GRIK4: variants seen among roughly 807,000 people sequenced by gnomAD.
GRIK4 encodes glutamate ionotropic receptor kainate type subunit 4.
Under a neutral mutation model 104.9 loss-of-function variants are expected in GRIK4, and 40 were observed. The ratio of observed to expected loss-of-function variants is 0.38; its 90% CI spans 0.30 to 0.50. The LOEUF is 0.50. Among genes scored for constraint, GRIK4 ranks in the 20% least tolerant of loss-of-function variants. The pLI is 0.93. For synonymous variants in GRIK4, 485 were observed against 524.9 expected, an observed-to-expected ratio of 0.92 and a Z score of 1.04; for missense variants, 1,047 against 1,308.1, an observed-to-expected ratio of 0.80 and a Z score of 3.08.
intron 13 of GRIK4, among the ~76,000 whole-genome samples, chr11:120,919,518 T>G (rs1297828186): frequency 2.0e-5 from 3 of 152,170 alleles, no homozygotes; most frequent in African/African-American, 2.4e-5. Context: ...TAGACCTACT[T>G]AACCTGAAAC....
intron 1 of GRIK4, among the ~76,000 whole-genome samples, chr11:120,570,854 T>C (rs1362311622): frequency 2.0e-5 from 3 of 152,210 alleles, no homozygotes; most frequent in Non-Finnish European, 4.4e-5. Flanking sequence ...AAATGAATAG[T>C]CAGAATTTAC....
chr11:120,855,505 A>G (rs951962618), intron 8 of GRIK4, among the ~76,000 whole-genome samples: 4 of 151,872 alleles, frequency 2.6e-5, no homozygotes, highest in African/African-American at 9.7e-5. Context: ...TGGAACTTCA[A>G]CTAAAGGCTT....
chr11:120,944,924 G>A (rs1017147745), intron 14 of GRIK4, among the ~76,000 whole-genome samples: 3 of 151,810 alleles, frequency 2.0e-5, no homozygotes, highest in African/African-American at 4.8e-5. Context: ...ACACAATAAA[G>A]TGTTAGCTAT....
At chr11:120,715,217 A>G (rs1220703273) in intron 3 of GRIK4, among the ~76,000 whole-genome samples, 1 of 152,194 alleles carries the variant, frequency 6.6e-6, no homozygotes, top group East Asian at 1.9e-4. Flanking sequence ...ATTGAAGCCA[A>G]GGATATGTGT....
Position 120,558,696 on chromosome 11 carries a change from C to T in GRIK4, c.-159+46809C>T, listed in dbSNP as rs375020696. Among the ~76,000 whole-genome samples, 38 of 152,326 alleles carry T rather than the reference C, an allele frequency of 2.5e-4. No individual in the cohort carries two copies. In the South Asian group the frequency reaches 7.5e-3, roughly 30 times the overall value. ...ACAAGAGACAGGCATTTATACACAA[C>T]ATAAATGATGGAAAATTAACAAAGT... On this transcript the variant is annotated intron_variant, in intron 1 of 20. Coordinates refer to ENST00000527524, the MANE Select transcript of GRIK4 (RefSeq NM_014619.5).
In GRIK4 at chr11:120,819,989, C is replaced by A. The variant is rs1199235317; in HGVS notation, c.511+69C>A. ...GTTGATTTTGCCCTGATTCCCTGTGCCCCTGGCTGGAGACCCTCCAGGAAG... is the reference window on the plus strand; with the variant it reads ...GTTGATTTTGCCCTGATTCCCTGTGACCCTGGCTGGAGACCCTCCAGGAAG... On this transcript the variant is annotated intron_variant, in intron 6 of 20. Coordinates refer to ENST00000527524, the MANE Select transcript of GRIK4 (RefSeq NM_014619.5). The surrounding 1 kb of genome is among the most constrained non-coding windows in gnomAD (Gnocchi z 4.3). The A allele has an allele frequency of 1.3e-5, 20 of 1,494,462 alleles. No homozygotes were observed. The highest frequency in any genetic ancestry group is 1.7e-5 in the Admixed American group (1 of 58,604). 92.6% of individuals were successfully genotyped at this position (1,494,462 alleles called of 1,614,324 possible).
intron 8 of GRIK4, among the ~76,000 whole-genome samples, chr11:120,851,994 T>C (rs966969262): frequency 6.6e-6 from 1 of 152,120 alleles, no homozygotes; most frequent in Admixed American, 6.5e-5. Context: ...AACTGATGTA[T>C]AGACAGGAGG....
At chr11:120,707,958 G>A (rs77764436) in intron 3 of GRIK4, among the ~76,000 whole-genome samples, 4,109 of 152,236 alleles carry the variant, frequency 0.027, 182 homozygotes, top group African/African-American at 0.09. Flanking sequence ...CTGACCTAAC[G>A]GAAGTCATAT....
chr11:120,808,801 G>A (rs965679486), intron 4 of GRIK4, among the ~76,000 whole-genome samples: 9 of 152,200 alleles, frequency 5.9e-5, no homozygotes, highest in Non-Finnish European at 1.3e-4. Context: ...CTCAGAGGGA[G>A]ACTGCACCCT....
intron 3 of GRIK4, among the ~76,000 whole-genome samples, chr11:120,758,382 C>CT (rs1413892601): frequency 6.6e-6 from 1 of 152,046 alleles, no homozygotes; most frequent in East Asian, 1.9e-4. Context: ...ACTTTTTTTT[C>CT]TTTTTTTCCA....
At chr11:120,647,256 T>G (rs1949556799) in intron 1 of GRIK4, among the ~76,000 whole-genome samples, 1 of 152,204 alleles carries the variant, frequency 6.6e-6, no homozygotes, top group Admixed American at 6.5e-5. Flanking sequence ...GCTCTGATGT[T>G]CCAGTGGAAT....
At chr11:120,925,960 CGA>C (rs1943335235) in intron 13 of GRIK4, among the ~76,000 whole-genome samples, 1 of 136,994 alleles carries the variant, frequency 7.3e-6, no homozygotes, top group Non-Finnish European at 1.5e-5. Context: ...GGCATCAGAG[CGA>C]GACTCCATCT....
At chr11:120,781,641 C>A (rs545798986) in intron 3 of GRIK4, among the ~76,000 whole-genome samples, 1 of 152,190 alleles carries the variant, frequency 6.6e-6, no homozygotes, top group Non-Finnish European at 1.5e-5. Flanking sequence ...CATGAGCCAC[C>A]GTGCCCTGCC....
rs181195334 is a variant in GRIK4 at position 120,765,552 on chromosome 11, A to G, written c.83-37141A>G. Among the ~76,000 whole-genome samples the G allele has an allele frequency of 8.6e-5, 13 of 151,982 alleles. No homozygotes were observed. The East Asian group carries it at 2.5e-3, about 30-fold the overall frequency. ...GGAGAAGCAGCATTCTGGTTTTTGG[A>G]ATTTTCAGCCTTTTTGTGCTGGTTT... On this transcript the variant is annotated intron_variant, in intron 3 of 20. Coordinates refer to ENST00000527524, the MANE Select transcript of GRIK4 (RefSeq NM_014619.5).
chr11:120,981,505 G>A (rs1944652041), intron 19 of GRIK4, among the ~76,000 whole-genome samples: 1 of 152,200 alleles, frequency 6.6e-6, no homozygotes, highest in African/African-American at 2.4e-5. Context: ...TCTGGGGTAA[G>A]GACTGGGAAT....
At chr11:120,927,438 G>A (rs544082831) in intron 13 of GRIK4, among the ~76,000 whole-genome samples, 10 of 151,950 alleles carry the variant, frequency 6.6e-5, no homozygotes, top group East Asian at 1.9e-4. Flanking sequence ...GTGGTGGTGC[G>A]TGCCTGTAGT....
At chr11:120,837,698 C>A (rs1315706173) in intron 8 of GRIK4, among the ~76,000 whole-genome samples, 1 of 150,042 alleles carries the variant, frequency 6.7e-6, no homozygotes, top group Non-Finnish European at 1.5e-5. Context: ...TTTTTTTAAC[C>A]TAACACTGCT....
intron 1 of GRIK4, among the ~76,000 whole-genome samples, chr11:120,630,792 C>T (rs541838478): frequency 2.4e-4 from 36 of 152,360 alleles, no homozygotes; most frequent in Non-Finnish European, 4.0e-4. Flanking sequence ...TTGGAAAGTT[C>T]GCTAACCAGG....
At chr11:120,779,958 GTGGATGCCTTTGTAT>G in intron 3 of GRIK4, among the ~76,000 whole-genome samples, 1 of 152,200 alleles carries the variant, frequency 6.6e-6, no homozygotes, top group Non-Finnish European at 1.5e-5. Flanking sequence ...GGGGCAGCCT[GTGGATGCCTTTGTAT>G]TGGCTTAGGC....
Sources: allele counts gnomAD v4.1 joint callset (sites outside exome capture counted in the v4.1 genomes callset), GRCh38; gene constraint gnomAD v4.1.1; non-coding constraint Gnocchi (gnomAD v3.1); transcripts MANE v1.5; gene names NCBI Gene and HGNC (gene_info 2026-07-23, HGNC 2026-07-21).